DDAH1: variants seen among roughly 807,000 people sequenced by gnomAD.
DDAH1 encodes the protein N(G),N(G)-dimethylarginine dimethylaminohydrolase 1.
DDAH1 carries 19 observed loss-of-function variants against 28.8 expected under a neutral mutation model. The ratio of observed to expected loss-of-function variants is 0.66; its 90% CI spans 0.46 to 0.97. The LOEUF is 0.97. Among genes scored for constraint, DDAH1 ranks in the 50% least tolerant of loss-of-function variants. The pLI, the probability that DDAH1 is intolerant of heterozygous loss-of-function variation, is 0.00. For synonymous variants in DDAH1, 153 were observed against 154.4 expected (o/e 0.99, Z 0.07); for missense variants, 326 against 375.9 (o/e 0.87, Z 1.10).
At chr1:85,465,178 C>G (rs1223032157), upstream of DDAH1, 1 of 1,141,826 alleles carries the variant, frequency 8.8e-7, no homozygotes, top group Admixed American at 4.8e-5. Context: ...AGGAGCCCAG[C>G]TCGCGCCCGG....
chr1:85,324,811 A>G lies in DDAH1; in HGVS notation c.670T>C (p.Tyr224His). 1 of 1,614,040 alleles carries G rather than the reference A, an allele frequency of 6.2e-7. No homozygotes were observed. The highest frequency in any genetic ancestry group is 8.5e-7 in the Non-Finnish European group (1 of 1,180,016). ...TGCCCTTTGTTGGGGATATTTAGAT[A>G]TATACAGTTTGCTGCTATGTCATCA... ...VPDDIAANCI[Y>H]LNIPNKGHVL... The change falls in exon 5 of 6, where the codon TAT becomes CAT. Residue 224 changes from tyrosine (Y) to histidine (H), a missense_variant. Tyr to His is a moderately conservative substitution (Grantham distance 83). Transcript: ENST00000284031.
intron 1 of DDAH1, among the ~76,000 whole-genome samples, chr1:85,518,270 A>C (rs1657544282): frequency 6.6e-6 from 1 of 152,212 alleles, no homozygotes; most frequent in South Asian, 2.1e-4. Flanking sequence ...TTTTATGGGC[A>C]TTAAACAACA....
At chr1:85,485,671 A>G (rs1490390908) in intron 2 of DDAH1, among the ~76,000 whole-genome samples, 1 of 152,318 alleles carries the variant, frequency 6.6e-6, no homozygotes, top group African/African-American at 2.4e-5. Flanking sequence ...CAGGCTTGTG[A>G]CTATGCTCAT....
intron 1 of DDAH1, among the ~76,000 whole-genome samples, chr1:85,396,603 C>T (rs1651825619): frequency 1.3e-5 from 2 of 152,104 alleles, no homozygotes; most frequent in African/African-American, 4.8e-5. Context: ...ACATCCAAAC[C>T]ACAGCCACCT....
intron 1 of DDAH1, among the ~76,000 whole-genome samples, chr1:85,571,492 G>C (rs1659451856): frequency 6.6e-6 from 1 of 152,224 alleles, no homozygotes. Context: ...ACGGCTTCTA[G>C]AGCTTTAATC....
At chr1:85,397,565 A>G (rs993641755) in intron 1 of DDAH1, among the ~76,000 whole-genome samples, 1 of 152,182 alleles carries the variant, frequency 6.6e-6, no homozygotes, top group African/African-American at 2.4e-5. Flanking sequence ...CTAGCTCACA[A>G]TGGTTTGGTA....
chr1:85,348,755 G>A (rs751627380), intron 4 of DDAH1, among the ~76,000 whole-genome samples: 2 of 152,130 alleles, frequency 1.3e-5, no homozygotes, highest in Non-Finnish European at 2.9e-5. Flanking sequence ...ATATAACGTA[G>A]TGCTAATTAG....
At chr1:85,552,295 C>T (rs1383720998) in intron 1 of DDAH1, among the ~76,000 whole-genome samples, 5 of 152,190 alleles carry the variant, frequency 3.3e-5, no homozygotes, top group South Asian at 2.1e-4. Flanking sequence ...AGTGCATCTT[C>T]CACACTGCTA....
chr1:85,393,039 C>T (rs1458100972), intron 1 of DDAH1, among the ~76,000 whole-genome samples: 1 of 152,142 alleles, frequency 6.6e-6, no homozygotes, highest in East Asian at 1.9e-4. Context: ...AGTATTTGGT[C>T]TCTCCTAGGT....
intron 1 of DDAH1, among the ~76,000 whole-genome samples, chr1:85,557,682 C>T (rs943576066): frequency 1.3e-5 from 2 of 152,156 alleles, no homozygotes; most frequent in Admixed American, 6.5e-5. Context: ...CCCAGTATCT[C>T]AGAATGTGAT....
intron 1 of DDAH1, among the ~76,000 whole-genome samples, chr1:85,385,172 G>A (rs1268727031): frequency 6.6e-6 from 1 of 152,108 alleles, no homozygotes; most frequent in Non-Finnish European, 1.5e-5. Context: ...AGACAGACTT[G>A]GTCTGCCAGA....
intron 1 of DDAH1, among the ~76,000 whole-genome samples, chr1:85,417,660 A>G (rs542763647): frequency 1.8e-4 from 27 of 152,234 alleles, no homozygotes; most frequent in Non-Finnish European, 3.7e-4. Flanking sequence ...AATACATATA[A>G]CTCTCCTTGT....
Position 85,448,668 on chromosome 1 carries a change from C to A in DDAH1, c.303+16075G>T, listed in dbSNP as rs554261148. ...TTCTGCCAAAGGATCTGCATCACTT[C>A]CTTTGTTCCTGTTCTACATAATATG... On this transcript the variant is annotated intron_variant, in intron 1 of 5. Transcript: ENST00000284031. 6.6e-5 allele frequency among the ~76,000 whole-genome samples: 10 copies of A among 152,258 alleles called. No homozygotes were observed. The South Asian group carries it at 2.1e-3, about 32-fold the overall frequency.
At position 85,356,080 on chromosome 1, in the gene DDAH1, G is replaced by T. The variant is rs143953693; in HGVS notation, c.403+2668C>A. 1.5e-3 allele frequency among the ~76,000 whole-genome samples: 225 copies of T among 152,348 alleles called. 3 individuals carry two copies. In the South Asian group the frequency reaches 0.018, roughly 12 times the overall value. ...GGTTTTGACTGGGGACCCCACAGGG[G>T]TGTCTATGGTCCTGGCAATGTTCTA... is the stretch of plus-strand genomic sequence containing the variant. On this transcript the variant is annotated intron_variant, in intron 2 of 5. Coordinates refer to ENST00000284031, the MANE Select transcript of DDAH1 (RefSeq NM_012137.4).
At chr1:85,463,261 G>A (rs1040366016) in intron 1 of DDAH1, among the ~76,000 whole-genome samples, 1 of 152,192 alleles carries the variant, frequency 6.6e-6, no homozygotes, top group Non-Finnish European at 1.5e-5. Flanking sequence ...AAGCTTGGAA[G>A]CTTTTATTAT....
At chr1:85,371,206 C>G (rs1465361709) in intron 1 of DDAH1, among the ~76,000 whole-genome samples, 2 of 152,152 alleles carry the variant, frequency 1.3e-5, no homozygotes, top group African/African-American at 4.8e-5. Flanking sequence ...GATCAAAGGT[C>G]TGGAAACAAA....
In DDAH1 at chr1:85,501,751, C is replaced by T. The variant is rs150716938; in HGVS notation, c.-122-5470G>A. On this transcript the variant is annotated intron_variant, in intron 1 of 6. Coordinates refer to the DDAH1 transcript ENST00000426972. ...AAGTTCAACACTGGGTGAATTTCAA[C>T]GTCTGAAAACAGTTGCTCCATATAT... Among the ~76,000 whole-genome samples the T allele has an allele frequency of 4.0e-4, 61 of 152,296 alleles. No homozygotes were observed. The East Asian group carries it at 9.5e-3, about 24-fold the overall frequency.
intron 1 of DDAH1, among the ~76,000 whole-genome samples, chr1:85,411,343 G>A (rs1017230280): frequency 7.9e-5 from 12 of 152,154 alleles, no homozygotes; most frequent in Admixed American, 5.9e-4. Context: ...CAAGTGTTAA[G>A]GTCAAGTAGG....
At chr1:85,437,536 TTTGC>T (rs1345631665) in intron 1 of DDAH1, among the ~76,000 whole-genome samples, 3 of 152,184 alleles carry the variant, frequency 2.0e-5, no homozygotes, top group African/African-American at 7.2e-5. Flanking sequence ...TTCCTTATGA[TTTGC>T]TTAATAACAT....
Sources: gnomAD v4.1 joint callset for allele counts (sites outside exome capture counted in the v4.1 genomes callset) on GRCh38, gnomAD v4.1.1 for gene constraint, MANE v1.5 for transcripts, NCBI Gene and HGNC (gene_info 2026-07-23, HGNC 2026-07-21) for gene names.